The following CFAP299 variants were observed in gnomAD, a reference collection of about 807,000 sequenced individuals.
CFAP299 encodes cilia- and flagella-associated protein 299.
A neutral mutation model predicts 27.0 loss-of-function variants in CFAP299; 21 were observed. The observed-to-expected ratio is 0.78, with a 90% CI of 0.55 to 1.12. The LOEUF is 1.12. CFAP299 is among the 50% of genes most tolerant of loss of function. The pLI is 0.00. For missense variants in CFAP299, 310 were observed against 276.6 expected, an observed-to-expected ratio of 1.12 and a Z score of -0.86; for synonymous variants, 104 against 98.1, an observed-to-expected ratio of 1.06 and a Z score of -0.36.
At chr4:80,448,686 G>T (rs1728754424) in intron 2 of CFAP299, among the ~76,000 whole-genome samples, 1 of 130,164 alleles carries the variant, frequency 7.7e-6, no homozygotes, top group South Asian at 2.9e-4. Context: ...GTGTTTAGGT[G>T]TTAGTGACAT....
intron 3 of CFAP299, among the ~76,000 whole-genome samples, chr4:80,855,144 AAGAAT>A (rs1461388497): frequency 6.6e-6 from 1 of 152,088 alleles, no homozygotes; most frequent in Non-Finnish European, 1.5e-5. Flanking sequence ...CAGTCAAAGA[AAGAAT>A]AGATATTTGT....
chr4:80,603,569 A>G (rs550740677), intron 3 of CFAP299, among the ~76,000 whole-genome samples: 3 of 152,342 alleles, frequency 2.0e-5, no homozygotes, highest in East Asian at 3.9e-4. Flanking sequence ...AATAATATGT[A>G]TATCCTTTAG....
At chr4:80,657,014 T>A (rs1740590833) in intron 3 of CFAP299, among the ~76,000 whole-genome samples, 1 of 152,198 alleles carries the variant, frequency 6.6e-6, no homozygotes, top group South Asian at 2.1e-4. Context: ...GTTGGCCACA[T>A]AAATGTCTTC....
chr4:80,909,716 A>G (rs973279385), intron 4 of CFAP299, among the ~76,000 whole-genome samples: 3 of 151,972 alleles, frequency 2.0e-5, no homozygotes, highest in Non-Finnish European at 2.9e-5. Flanking sequence ...CTTCTCCTTT[A>G]CAAATGGAGG....
At chr4:80,635,907 T>C (rs913540710) in intron 3 of CFAP299, among the ~76,000 whole-genome samples, 1 of 152,148 alleles carries the variant, frequency 6.6e-6, no homozygotes, top group African/African-American at 2.4e-5. Context: ...TTGTTAAACA[T>C]GGCCCACTGA....
intron 4 of CFAP299, among the ~76,000 whole-genome samples, chr4:80,901,174 G>A (rs1420670461): frequency 6.6e-6 from 1 of 152,058 alleles, no homozygotes; most frequent in Non-Finnish European, 1.5e-5. Flanking sequence ...AGGCGTTATG[G>A]AGGGCAAAAA....
intron 4 of CFAP299, among the ~76,000 whole-genome samples, chr4:80,925,041 G>T (rs186649359): frequency 6.6e-6 from 1 of 151,882 alleles, no homozygotes; most frequent in African/African-American, 2.4e-5. Flanking sequence ...TTTTATTTAT[G>T]ACTTCTCTTG....
At chr4:80,581,835 T>C (rs562619467) in intron 2 of CFAP299, among the ~76,000 whole-genome samples, 1 of 152,012 alleles carries the variant, frequency 6.6e-6, no homozygotes, top group South Asian at 2.1e-4. Flanking sequence ...AAAACACAGA[T>C]TTGATTATCT....
chr4:80,599,639 A>G (rs572270029), intron 3 of CFAP299, among the ~76,000 whole-genome samples: 77 of 152,112 alleles, frequency 5.1e-4, no homozygotes, highest in Middle Eastern at 3.2e-3. Flanking sequence ...CATATTAACA[A>G]TGAGTACAAA....
At chr4:80,454,722 T>C (rs1381828088) in intron 2 of CFAP299, among the ~76,000 whole-genome samples, 3 of 152,106 alleles carry the variant, frequency 2.0e-5, no homozygotes, top group Admixed American at 1.3e-4. Context: ...ACAGAGCCAG[T>C]TTATCAAGAG....
chr4:80,909,206 C>A (rs1234495047), intron 4 of CFAP299, among the ~76,000 whole-genome samples: 1 of 151,518 alleles, frequency 6.6e-6, no homozygotes, highest in African/African-American at 2.4e-5. Context: ...TAACTACGAA[C>A]AATTAACTAA....
In CFAP299 at chr4:80,926,662, A is replaced by G. The variant is rs752022684; in HGVS notation, c.477-18148A>G. On this transcript the variant is annotated intron_variant, in intron 4 of 5. Transcript: ENST00000358105. ...CTTACTGATGACTCATATTCATCAA[A>G]TTATGACTCACAAACATGATAAGAC... Among the ~76,000 whole-genome samples the G allele has an allele frequency of 8.5e-5, 13 of 152,150 alleles. No homozygotes were observed. The South Asian group carries it at 1.5e-3, about 17-fold the overall frequency.
chr4:80,554,170 A>G (rs1449120811), intron 2 of CFAP299, among the ~76,000 whole-genome samples: 1 of 152,094 alleles, frequency 6.6e-6, no homozygotes, highest in Admixed American at 6.6e-5. Context: ...ATTTTTGTAT[A>G]TGGTGTAAGG....
chr4:80,747,691 G>A (rs550811705), intron 3 of CFAP299, among the ~76,000 whole-genome samples: 1 of 152,034 alleles, frequency 6.6e-6, no homozygotes, highest in African/African-American at 2.4e-5. Context: ...CCCTGACATA[G>A]CTAGTATTTA....
In CFAP299 at chr4:80,853,579, G is replaced by T. The variant is rs142169459; in HGVS notation, c.334-16414G>T. 3.1e-3 allele frequency among the ~76,000 whole-genome samples: 474 copies of T among 152,278 alleles called. 3 individuals carry two copies. Among genetic ancestry groups the T allele is most frequent in the African/African-American group, 0.011 (462 of 41,550 alleles). On this transcript the variant is annotated intron_variant, in intron 3 of 5. Coordinates refer to ENST00000358105, the MANE Select transcript of CFAP299 (RefSeq NM_152770.3). ...GGCAGAAAACATATCATACAAAAGG[G>T]CCCTAGGCAGAAACATTTTTATCAG... is the stretch of plus-strand genomic sequence containing the variant.
chr4:80,955,104 T>C (rs528097977), intron 5 of CFAP299, among the ~76,000 whole-genome samples: 56 of 146,446 alleles, frequency 3.8e-4, no homozygotes, highest in African/African-American at 1.4e-3. Flanking sequence ...TTGAGTACCT[T>C]AATAAATCCC....
At chr4:80,940,975 T>C (rs921566289) in intron 4 of CFAP299, among the ~76,000 whole-genome samples, 7 of 152,178 alleles carry the variant, frequency 4.6e-5, no homozygotes, top group African/African-American at 1.7e-4. Flanking sequence ...GTTTTCCCTT[T>C]GTTTCTGTGG....
chr4:80,798,075 G>C (rs1727974438), intron 3 of CFAP299, among the ~76,000 whole-genome samples: 2 of 152,004 alleles, frequency 1.3e-5, no homozygotes, highest in African/African-American at 4.8e-5. Flanking sequence ...TTCCATGCCT[G>C]TTCTCCAGAT....
At chr4:80,541,012 C>A (rs529475894) in intron 2 of CFAP299, among the ~76,000 whole-genome samples, 2 of 152,214 alleles carry the variant, frequency 1.3e-5, no homozygotes, top group South Asian at 4.1e-4. Flanking sequence ...TTACCCCGAT[C>A]TCTGTGTCTT....
Sources: gnomAD v4.1 joint callset for allele counts (sites outside exome capture counted in the v4.1 genomes callset) on GRCh38, gnomAD v4.1.1 for gene constraint, MANE v1.5 for transcripts, NCBI Gene and HGNC (gene_info 2026-07-23, HGNC 2026-07-21) for gene names.